The following CCDC7 variants were observed in gnomAD, a reference collection of about 807,000 sequenced individuals.
CCDC7 encodes the protein coiled-coil domain containing 7.
A neutral mutation model predicts 196.9 loss-of-function variants in CCDC7; 183 were observed. That is an observed-to-expected ratio of 0.93 (90% CI 0.82 to 1.05). The LOEUF is 1.05. Among genes scored for constraint, CCDC7 ranks in the 50% least tolerant of loss-of-function variants. The pLI is 0.00. For missense variants in CCDC7, 1,540 were observed against 1,482.2 expected, an observed-to-expected ratio of 1.04 and a Z score of -0.64; for synonymous variants, 525 against 484.6, an observed-to-expected ratio of 1.08 and a Z score of -1.10.
At chr10:32,722,222 C>A (rs1196068452) in intron 25 of CCDC7, among the ~76,000 whole-genome samples, 1 of 152,046 alleles carries the variant, frequency 6.6e-6, no homozygotes, top group Non-Finnish European at 1.5e-5. Context: ...GAGCAATTTT[C>A]TTTGGGGCTT....
intron 25 of CCDC7, among the ~76,000 whole-genome samples, chr10:32,715,941 A>G (rs913935690): frequency 6.6e-6 from 1 of 152,244 alleles, no homozygotes; most frequent in Non-Finnish European, 1.5e-5. Flanking sequence ...TGTACCTGAA[A>G]GAGACGGGGA....
rs1022150742 is a variant in CCDC7 at position 32,620,059 on chromosome 10, A to T, written c.1802-14195A>T. Among the ~76,000 whole-genome samples, 5 of 151,470 alleles carry T rather than the reference A, an allele frequency of 3.3e-5. No homozygotes were observed. In the East Asian group the frequency reaches 9.7e-4, roughly 29 times the overall value. On this transcript the variant is annotated intron_variant, in intron 18 of 41. Coordinates refer to ENST00000639629, the Ensembl canonical transcript of CCDC7. ...TGCCTCAGCCTCCTGAGTAGCTGGG[A>T]CTACAGACATGCACCACCACACTCG...
chr10:32,675,045 C>A (rs1221089433), intron 21 of CCDC7, among the ~76,000 whole-genome samples: 1 of 152,008 alleles, frequency 6.6e-6, no homozygotes, highest in Non-Finnish European at 1.5e-5. Context: ...TTTTCTCATC[C>A]TTTCAGCTTC....
intron 18 of CCDC7, among the ~76,000 whole-genome samples, chr10:32,607,518 A>G (rs11813922): frequency 0.053 from 8,088 of 152,212 alleles, 716 homozygotes; most frequent in African/African-American, 0.18. Context: ...TACACAATGT[A>G]TTGAGAGTTT....
At chr10:32,619,771 A>G (rs1591155) in intron 18 of CCDC7, among the ~76,000 whole-genome samples, 2 of 151,252 alleles carry the variant, frequency 1.3e-5, no homozygotes, top group Non-Finnish European at 1.5e-5. Context: ...TTTAAAAAAA[A>G]TTTTTTTTGT....
At chr10:32,717,172 C>T (rs141495578) in intron 25 of CCDC7, among the ~76,000 whole-genome samples, 3 of 151,750 alleles carry the variant, frequency 2.0e-5, no homozygotes, top group African/African-American at 7.3e-5. Context: ...GAATGGAAAT[C>T]GTAACAATCT....
intron 28 of CCDC7, among the ~76,000 whole-genome samples, chr10:32,734,692 C>T (rs573579164): frequency 2.1e-3 from 312 of 152,130 alleles, no homozygotes; most frequent in Middle Eastern, 0.01. Context: ...CTCAGGAGTT[C>T]GAGACCAGCC....
intron 20 of CCDC7, among the ~76,000 whole-genome samples, chr10:32,642,772 G>A (rs561225619): frequency 6.6e-6 from 1 of 152,246 alleles, no homozygotes; most frequent in African/African-American, 2.4e-5. Context: ...GTAGACTGGA[G>A]CTGTTCCTGT....
Position 32,543,972 on chromosome 10 carries a change from C to G in CCDC7, c.1080-275C>G, listed in dbSNP as rs563406717. 1.1e-3 allele frequency among the ~76,000 whole-genome samples: 160 copies of G among 152,034 alleles called. No individual in the cohort carries two copies. The Middle Eastern group carries it at 0.014, about 13-fold the overall frequency. ...AAATTCATGGGACAAATGGCTTTGA[C>G]CTTTAACAAAAAATGACCCGAGAAG... On this transcript the variant is annotated intron_variant, in intron 12 of 41. Transcript: ENST00000639629.
downstream of CCDC7, among the ~76,000 whole-genome samples, chr10:32,880,809 T>C (rs1050991388): frequency 6.6e-6 from 1 of 152,192 alleles, no homozygotes; most frequent in East Asian, 1.9e-4. Context: ...TCCCTATTGC[T>C]TGTTTTTGTC....
chr10:32,669,259 T>G (rs1404901546), intron 21 of CCDC7, among the ~76,000 whole-genome samples: 1 of 152,190 alleles, frequency 6.6e-6, no homozygotes, highest in Non-Finnish European at 1.5e-5. Flanking sequence ...TTGATCATGG[T>G]GAATTCTTCT....
chr10:32,584,551 T>C (rs1447263841), intron 18 of CCDC7, among the ~76,000 whole-genome samples: 5 of 150,348 alleles, frequency 3.3e-5, no homozygotes, highest in African/African-American at 9.8e-5. Context: ...AGGTCAGGAG[T>C]TCGAGCCCAG....
At chr10:32,818,989 C>T (rs949220978) in intron 31 of CCDC7, among the ~76,000 whole-genome samples, 1 of 152,080 alleles carries the variant, frequency 6.6e-6, no homozygotes, top group African/African-American at 2.4e-5. Flanking sequence ...GAAATAGAGA[C>T]ATAAATAACC....
At chr10:32,771,753 A>G (rs1308766893) in intron 28 of CCDC7, among the ~76,000 whole-genome samples, 1 of 152,224 alleles carries the variant, frequency 6.6e-6, no homozygotes, top group Non-Finnish European at 1.5e-5. Context: ...TTTTTTGAAC[A>G]CCAGTTAAGA....
rs549121103 is a variant in CCDC7, at chr10:32,767,310, C to T, written c.2906-11667C>T. On this transcript the variant is annotated intron_variant, in intron 28 of 41. Coordinates refer to ENST00000639629, the Ensembl canonical transcript of CCDC7. ...ATGTTATATTCATACTACGTTTTGC[C>T]TTTTACCTAATTTTTATACACTGGT... is the stretch of plus-strand genomic sequence containing the variant. Among the ~76,000 whole-genome samples, 132 of 152,178 alleles carry T rather than the reference C, an allele frequency of 8.7e-4. 1 individual carries two copies. Among genetic ancestry groups the T allele is most frequent in the African/African-American group, 2.9e-3 (120 of 41,528 alleles).
At chr10:32,623,531 A>C (rs1045230515) in intron 18 of CCDC7, among the ~76,000 whole-genome samples, 1 of 152,124 alleles carries the variant, frequency 6.6e-6, no homozygotes, top group Admixed American at 6.6e-5. Flanking sequence ...TTAACACTTT[A>C]GTAAGTTTTA....
intron 18 of CCDC7, among the ~76,000 whole-genome samples, chr10:32,619,746 C>T (rs1321982021): frequency 6.6e-6 from 1 of 151,900 alleles, no homozygotes; most frequent in Non-Finnish European, 1.5e-5. Context: ...GCTCGCACCA[C>T]CATGCCAGTC....
chr10:32,504,325 C>A (rs1200590819), intron 9 of CCDC7, among the ~76,000 whole-genome samples: 2 of 151,968 alleles, frequency 1.3e-5, no homozygotes, highest in African/African-American at 4.8e-5. Context: ...ACCGTGTTAG[C>A]CAGGATGGTC....
intron 41 of CCDC7, among the ~76,000 whole-genome samples, chr10:32,875,750 G>C (rs2094579414): frequency 1.3e-5 from 2 of 151,882 alleles, no homozygotes; most frequent in Non-Finnish European, 2.9e-5. Context: ...GTTTCCATTA[G>C]CTTAAAGATG....
Sources: gnomAD v4.1 joint callset for allele counts (sites outside exome capture counted in the v4.1 genomes callset) on GRCh38, gnomAD v4.1.1 for gene constraint, MANE v1.5 for transcripts, NCBI Gene and HGNC (gene_info 2026-07-23, HGNC 2026-07-21) for gene names.